The following SCHIP1 variants were observed in gnomAD, a reference collection of about 807,000 sequenced individuals.
SCHIP1 encodes schwannomin-interacting protein 1.
Under a neutral mutation model 29.7 loss-of-function variants are expected in SCHIP1, and 8 were observed. The observed-to-expected ratio is 0.27, with a 90% CI of 0.16 to 0.49. The LOEUF (loss-of-function observed/expected upper bound fraction) is 0.49. Among genes scored for constraint, SCHIP1 ranks in the 20% least tolerant of loss-of-function variants. The pLI is 0.99. For synonymous variants in SCHIP1, 76 were observed against 94.9 expected (o/e 0.80, Z 1.16); for missense variants, 193 against 294.6 (o/e 0.66, Z 2.52).
the SCHIP1 span, among the ~76,000 whole-genome samples, chr3:159,420,443 G>A: frequency 6.6e-6 from 1 of 152,198 alleles, no homozygotes; most frequent in Non-Finnish European, 1.5e-5. Flanking sequence ...GAAGGGAATA[G>A]GGTGGTAAAT....
chr3:159,725,725 A>C, the SCHIP1 span, among the ~76,000 whole-genome samples: 2 of 152,224 alleles, frequency 1.3e-5, no homozygotes, highest in Non-Finnish European at 2.9e-5. Context: ...CAATAATCGC[A>C]ATGACAGCTC....
chr3:159,331,272 C>T, the SCHIP1 span, among the ~76,000 whole-genome samples: 1 of 152,158 alleles, frequency 6.6e-6, no homozygotes, highest in East Asian at 1.9e-4. Flanking sequence ...CTCCAGAGGG[C>T]TGGGGAGTGG....
the SCHIP1 span, among the ~76,000 whole-genome samples, chr3:159,402,203 G>T: frequency 5.3e-5 from 8 of 152,328 alleles, no homozygotes; most frequent in East Asian, 5.8e-4. Flanking sequence ...CTGGCCATCA[G>T]AGAAATGCAA....
chr3:159,821,158 C>T, the SCHIP1 span, among the ~76,000 whole-genome samples: 8 of 152,146 alleles, frequency 5.3e-5, no homozygotes, highest in African/African-American at 1.9e-4. Context: ...CTATGTTGAA[C>T]GTTGCTCATA....
the SCHIP1 span, among the ~76,000 whole-genome samples, chr3:159,635,810 T>C: frequency 4.6e-5 from 7 of 152,210 alleles, no homozygotes; most frequent in Non-Finnish European, 1.0e-4. Flanking sequence ...ATGCAGTTCT[T>C]TGTGAGGACA....
the SCHIP1 span, among the ~76,000 whole-genome samples, chr3:159,672,528 C>T: frequency 6.6e-6 from 1 of 152,096 alleles, no homozygotes; most frequent in East Asian, 1.9e-4. Context: ...TTAACTGGAG[C>T]AATTTTGCGC....
chr3:159,449,151 T>C, the SCHIP1 span, among the ~76,000 whole-genome samples: 1 of 152,244 alleles, frequency 6.6e-6, no homozygotes, highest in Non-Finnish European at 1.5e-5. Flanking sequence ...GCTAACCTGA[T>C]GTCCTTCTGC....
the SCHIP1 span, among the ~76,000 whole-genome samples, chr3:159,747,391 G>A: frequency 6.6e-6 from 1 of 152,166 alleles, no homozygotes; most frequent in East Asian, 1.9e-4. Context: ...CAGAGTGTAG[G>A]AGAGGGTAAT....
At chr3:159,844,975 T>C (rs972411814) in intron 1 of SCHIP1, among the ~76,000 whole-genome samples, 3 of 152,372 alleles carry the variant, frequency 2.0e-5, no homozygotes, top group Non-Finnish European at 4.4e-5. Flanking sequence ...TTCAAACACA[T>C]ACCAGGTCAT....
chr3:159,591,345 T>G, the SCHIP1 span, among the ~76,000 whole-genome samples: 1 of 152,178 alleles, frequency 6.6e-6, no homozygotes, highest in Admixed American at 6.5e-5. Context: ...TCAGCCATTG[T>G]GGAATACAGT....
chr3:159,507,101 A>C, the SCHIP1 span, among the ~76,000 whole-genome samples: 1,064 of 152,326 alleles, frequency 7.0e-3, 15 homozygotes, highest in Non-Finnish European at 0.011. Context: ...ACCCATGAGC[A>C]TGGAATGTTC....
At chr3:159,754,424 A>G in the SCHIP1 span, among the ~76,000 whole-genome samples, 4 of 152,338 alleles carry the variant, frequency 2.6e-5, no homozygotes, top group Non-Finnish European at 4.4e-5. Flanking sequence ...AGCCTTTCCT[A>G]TATTGTCTAT....
the SCHIP1 span, among the ~76,000 whole-genome samples, chr3:159,605,616 A>G: frequency 1.3e-5 from 2 of 152,180 alleles, no homozygotes; most frequent in Non-Finnish European, 2.9e-5. Context: ...ATGTCAGTAT[A>G]TGAAATGCCA....
the SCHIP1 span, among the ~76,000 whole-genome samples, chr3:159,780,041 G>A: frequency 4.6e-5 from 7 of 152,120 alleles, no homozygotes; most frequent in Non-Finnish European, 5.9e-5. Flanking sequence ...TTCCGTTTGG[G>A]GGACTACCTC....
chr3:159,865,493 T>G (rs774608563), intron 1 of SCHIP1, among the ~76,000 whole-genome samples: 9 of 152,180 alleles, frequency 5.9e-5, no homozygotes, highest in Non-Finnish European at 8.8e-5. Context: ...ATGAAACAGA[T>G]GGGCCCAACT....
chr3:159,884,359 G>GTGTT (rs1381624450), intron 2 of SCHIP1, among the ~76,000 whole-genome samples: 1 of 148,674 alleles, frequency 6.7e-6, no homozygotes, highest in East Asian at 2.1e-4. Flanking sequence ...CTGTGTGTGT[G>GTGTT]TGTGTGTGTG....
the SCHIP1 span, among the ~76,000 whole-genome samples, chr3:159,342,975 CCAGA>C: frequency 1.3e-5 from 2 of 151,952 alleles, no homozygotes; most frequent in South Asian, 2.1e-4. Context: ...TTGGAGGTAA[CCAGA>C]CAAACAATTA....
the SCHIP1 span, chr3:159,273,866 G>C: frequency 3.7e-6 from 6 of 1,613,456 alleles, no homozygotes; most frequent in Non-Finnish European, 4.2e-6. Context: ...CTGTGACCAG[G>C]GCAAGCACTC....
the SCHIP1 span, among the ~76,000 whole-genome samples, chr3:159,488,209 G>A: frequency 1.3e-5 from 2 of 152,098 alleles, no homozygotes; most frequent in African/African-American, 4.8e-5. Context: ...TGGGGCAGGA[G>A]TGGGGATGGT....
Sources: allele counts gnomAD v4.1 joint callset (sites outside exome capture counted in the v4.1 genomes callset), GRCh38; gene constraint gnomAD v4.1.1; transcripts MANE v1.5; gene names NCBI Gene and HGNC (gene_info 2026-07-23, HGNC 2026-07-21).